Variants in CSMD2 observed in about 807,000 individuals in gnomAD.
CSMD2 encodes the protein CUB and Sushi multiple domains 2, also known as CUB and sushi domain-containing protein 2.
A neutral mutation model predicts 398.5 loss-of-function variants in CSMD2; 130 were observed. That is an observed-to-expected ratio of 0.33 (90% CI 0.28 to 0.38). CSMD2 has a LOEUF of 0.38. Among genes scored for constraint, CSMD2 ranks in the 10% least tolerant of loss-of-function variants. The pLI, the probability that CSMD2 is intolerant of heterozygous loss-of-function variation, is 1.00. For synonymous variants in CSMD2, 1,828 were observed against 1,908.5 expected (o/e 0.96, Z 1.10); for missense variants, 3,829 against 4,764.9 (o/e 0.80, Z 5.78).
At chr1:33,956,534 A>G (rs1645175026) in intron 3 of CSMD2, among the ~76,000 whole-genome samples, 1 of 152,190 alleles carries the variant, frequency 6.6e-6, no homozygotes, top group South Asian at 2.1e-4. Flanking sequence ...AGTGCAGAAA[A>G]CATCACAGCT....
chr1:33,639,358 G>C (rs1254281735), intron 29 of CSMD2, among the ~76,000 whole-genome samples: 1 of 152,182 alleles, frequency 6.6e-6, no homozygotes, highest in Non-Finnish European at 1.5e-5. Context: ...CCCTAGCTGG[G>C]AATGACTGGC....
chr1:34,093,529 A>G (rs1350286328), intron 1 of CSMD2, among the ~76,000 whole-genome samples: 1 of 152,026 alleles, frequency 6.6e-6, no homozygotes, highest in East Asian at 1.9e-4. Flanking sequence ...AGAAGAATGT[A>G]TAACTAGAAT....
chr1:33,606,094 G>C (rs540706673), intron 41 of CSMD2: 1 of 1,461,732 alleles, frequency 6.8e-7, no homozygotes, highest in African/African-American at 1.4e-5. Flanking sequence ...TTCCATGAGA[G>C]TGGGTGGCCT....
At chr1:33,670,430 G>A (rs1247450435) in intron 25 of CSMD2, among the ~76,000 whole-genome samples, 3 of 152,184 alleles carry the variant, frequency 2.0e-5, no homozygotes, top group Non-Finnish European at 4.4e-5. Flanking sequence ...CCAAGCATCT[G>A]TCACTCTACA....
rs1219655987 is a variant in CSMD2, at chr1:33,625,309, G to A, written c.5297-55C>T. The A allele has an allele frequency of 2.7e-6, 4 of 1,501,644 alleles. No homozygotes were observed. The East Asian group carries it at 9.6e-5, about 36-fold the overall frequency. 93.0% of individuals were successfully genotyped at this position (1,501,644 alleles called of 1,614,324 possible). A position where few individuals can be genotyped will look rare whatever the true frequency, so the allele number is the denominator to read the frequency against. ...CCTCACCCCTCAGAAACTGGCCCAG[G>A]GACGGACATACAACGGGTCTGGAAC... On this transcript the variant is annotated intron_variant, in intron 33 of 70. Coordinates refer to ENST00000373381, the MANE Select transcript of CSMD2 (RefSeq NM_001281956.2).
At chr1:34,084,373 G>A (rs1488325434) in intron 2 of CSMD2, among the ~76,000 whole-genome samples, 2 of 152,208 alleles carry the variant, frequency 1.3e-5, no homozygotes, top group East Asian at 3.9e-4. Flanking sequence ...AGCCAAAATT[G>A]ACAAATGGGA....
At chr1:33,927,038 C>T (rs907769086) in intron 4 of CSMD2, among the ~76,000 whole-genome samples, 2 of 152,170 alleles carry the variant, frequency 1.3e-5, no homozygotes, top group Admixed American at 6.5e-5. Flanking sequence ...CAGGACCCCT[C>T]AGCCTCTGTG....
chr1:33,633,588 G>A lies in CSMD2; in HGVS notation c.5087-53C>T, dbSNP rs1402179401. The A allele has an allele frequency of 4.5e-6, 6 of 1,346,070 alleles. No homozygotes were observed. In the African/African-American group the frequency reaches 7.2e-5, roughly 16 times the overall value. The allele number at this position is 1,346,070 out of a possible 1,614,324, so 83.4% of individuals were successfully genotyped here. On this transcript the variant is annotated intron_variant, in intron 31 of 70. Transcript: ENST00000373381. This position sits in a 1 kb window ranked among gnomAD's most constrained non-coding sequence, Gnocchi z 5.0. ...GGGCAGGCACGCTGGGGGCAGGAGA[G>A]GGGATCTAGGGGTCTAGGGGCCCAA... is the stretch of plus-strand genomic sequence containing the variant.
intron 24 of CSMD2, among the ~76,000 whole-genome samples, chr1:33,695,958 C>T (rs567623075): frequency 6.6e-6 from 1 of 152,328 alleles, no homozygotes; most frequent in African/African-American, 2.4e-5. Flanking sequence ...TCTACTATAG[C>T]ATGTGTAACA....
At chr1:33,775,453 C>T (rs923569542) in intron 12 of CSMD2, among the ~76,000 whole-genome samples, 1 of 152,080 alleles carries the variant, frequency 6.6e-6, no homozygotes, top group Non-Finnish European at 1.5e-5. Flanking sequence ...CCATGAGTGC[C>T]CTGCTCACCT....
At chr1:34,070,975 G>A (rs1190338692) in intron 2 of CSMD2, among the ~76,000 whole-genome samples, 1 of 152,180 alleles carries the variant, frequency 6.6e-6, no homozygotes, top group Non-Finnish European at 1.5e-5. Flanking sequence ...CAGCTTGCCA[G>A]GGCATCACAA....
chr1:34,003,516 T>G (rs542007371), intron 3 of CSMD2, among the ~76,000 whole-genome samples: 13 of 152,338 alleles, frequency 8.5e-5, no homozygotes, highest in African/African-American at 3.1e-4. Context: ...AGCTACCATT[T>G]ATTGATTGGA....
At chr1:34,137,614 G>A (rs913337252) in intron 1 of CSMD2, among the ~76,000 whole-genome samples, 10 of 152,232 alleles carry the variant, frequency 6.6e-5, no homozygotes, top group African/African-American at 7.2e-5. Flanking sequence ...TGACACCAGC[G>A]CTCCTGGCCC....
chr1:33,962,278 G>A (rs1471261669), intron 3 of CSMD2, among the ~76,000 whole-genome samples: 3 of 152,100 alleles, frequency 2.0e-5, no homozygotes, highest in East Asian at 1.9e-4. Context: ...CGGTCCCTGG[G>A]GAGGGGGAGC....
rs767788230 is a variant in CSMD2 at position 33,624,142 on chromosome 1, C to T, written c.5625+377G>A. On this transcript the variant is annotated intron_variant, in intron 35 of 70. Transcript: ENST00000373381. This position sits in a 1 kb window ranked among gnomAD's most constrained non-coding sequence, Gnocchi z 4.7. Reference sequence around the variant, plus strand: ...CTCACAATCTTAAGAAAATCTTTAGCCATTTGAGGAACAACTTCTATGAAT... The same window carrying T: ...CTCACAATCTTAAGAAAATCTTTAGTCATTTGAGGAACAACTTCTATGAAT... Among the ~76,000 whole-genome samples, 1 of 152,188 alleles carries T rather than the reference C, an allele frequency of 6.6e-6. No homozygotes were observed. Among genetic ancestry groups the T allele is most frequent in the Non-Finnish European group, 1.5e-5 (1 of 68,028 alleles).
At chr1:34,148,111 C>G (rs72888128) in intron 1 of CSMD2, among the ~76,000 whole-genome samples, 2,990 of 152,286 alleles carry the variant, frequency 0.02, 78 homozygotes, top group African/African-American at 0.063. Context: ...CCCAGGGACA[C>G]TGGGAGGGTC....
At chr1:33,832,571 T>C (rs1659716042) in intron 6 of CSMD2, among the ~76,000 whole-genome samples, 2 of 150,038 alleles carry the variant, frequency 1.3e-5, no homozygotes, top group Non-Finnish European at 2.9e-5. Context: ...ATTGACACCC[T>C]AGCATCACAA....
At chr1:34,074,605 T>C (rs1048715541) in intron 2 of CSMD2, among the ~76,000 whole-genome samples, 2 of 152,232 alleles carry the variant, frequency 1.3e-5, no homozygotes, top group African/African-American at 4.8e-5. Flanking sequence ...TTGTTTAGCA[T>C]CTGCTATAAG....
chr1:33,731,810 T>G (rs956544220), intron 15 of CSMD2, among the ~76,000 whole-genome samples: 2 of 152,238 alleles, frequency 1.3e-5, no homozygotes, highest in African/African-American at 2.4e-5. Context: ...TTTAAAATGA[T>G]AGCAATGTGG....
Sources: gnomAD v4.1 joint callset for allele counts (sites outside exome capture counted in the v4.1 genomes callset) on GRCh38, gnomAD v4.1.1 for gene constraint, Gnocchi (gnomAD v3.1) non-coding constraint, MANE v1.5 for transcripts, NCBI Gene and HGNC (gene_info 2026-07-23, HGNC 2026-07-21) for gene names.